The following GGT5 variants were observed in gnomAD, a reference collection of about 807,000 sequenced individuals.
The protein encoded by GGT5 is glutathione hydrolase 5 proenzyme.
In GGT5, 50 loss-of-function variants were observed where a neutral mutation model predicts 58.1. The ratio of observed to expected loss-of-function variants is 0.86; its 90% CI spans 0.69 to 1.09. GGT5 has a LOEUF of 1.09. Ranked by LOEUF, GGT5 falls within the 50% of genes least tolerant of loss-of-function variation. The pLI is 0.00. For missense variants in GGT5, 800 were observed against 789.4 expected (o/e 1.01, Z -0.16); for synonymous variants, 370 against 346.1 (o/e 1.07, Z -0.77).
intron 1 of GGT5, chr22:24,241,634 G>A (rs1470268423): frequency 2.0e-5 from 3 of 152,018 alleles, no homozygotes; most frequent in Non-Finnish European, 2.9e-5. Context: ...ACCAAACAAC[G>A]GGGCACCAGA....
Position 24,225,691 on chromosome 22 carries a change from G to A in GGT5, c.1230-39C>T, listed in dbSNP as rs562982518. 39 of 1,288,236 alleles carry A rather than the reference G, an allele frequency of 3.0e-5. No homozygotes were observed. The Admixed American group carries it at 4.1e-4, about 14-fold the overall frequency. The allele number at this position is 1,288,236 out of a possible 1,614,324, so 79.8% of individuals were successfully genotyped here. A position where few individuals can be genotyped will look rare whatever the true frequency, so the allele number is the denominator to read the frequency against. On this transcript the variant is annotated intron_variant, in intron 8 of 11. Transcript: ENST00000327365. ...GGCAGAAGAGCCTGGGCTAGGACCC[G>A]GGGCTCCCACCAGACACCACTTACC...
At chr22:24,220,874 A>T (rs2047570004) in intron 11 of GGT5, 1 of 334,438 alleles carries the variant, frequency 3.0e-6, no homozygotes, top group Admixed American at 4.2e-5. Flanking sequence ...TTTATTAAAA[A>T]ATAAAAGAAA....
chr22:24,231,572 T>A lies in GGT5; in HGVS notation c.755-42A>T, dbSNP rs201227483. On this transcript the variant is annotated intron_variant, in intron 5 of 11. Coordinates refer to ENST00000327365, the MANE Select transcript of GGT5 (RefSeq NM_004121.5). ...AGGGCTCCATGAACAGATGGGAAAC[T>A]GAGGCGGGGAGGAATAGCCACTGCT... The A allele has an allele frequency of 2.3e-4, 361 of 1,566,400 alleles. 2 individuals carry two copies. The African/African-American group carries it at 4.6e-3, about 20-fold the overall frequency.
rs1012649551 is a variant in GGT5, at chr22:24,219,898, C to G, written c.*72G>C. The stretch of plus-strand genomic sequence containing the variant: ...TCCAGATCCTGCCAGAGTAGTTGGT[C>G]CCCCAGCCATGTCCGGCCTGGACAC... On this transcript the variant is annotated 3_prime_UTR_variant, in exon 12 of 12. Coordinates refer to ENST00000327365, the MANE Select transcript of GGT5 (RefSeq NM_004121.5). 4.0e-6 allele frequency: 6 copies of G among 1,481,902 alleles called. No homozygotes were observed. The highest frequency in any genetic ancestry group is 2.3e-5 in the East Asian group (1 of 43,958). The allele number at this position is 1,481,902 out of a possible 1,614,324, so 91.8% of individuals were successfully genotyped here.
rs894621722 is a variant in GGT5, at chr22:24,233,958, C to T, written c.220G>A (p.Ala74Thr). The change falls in exon 2 of 12, where the codon GCT (alanine) becomes ACT (threonine). Residue 74 changes from alanine (A) to threonine (T), a missense_variant. Coordinates refer to ENST00000327365, the MANE Select transcript of GGT5 (RefSeq NM_004121.5). ...QGSPVDATIA[A>T]LVCTSVVNPQ... is the part of the protein sequence containing the mutation. ...TTGACGACGCTGGTGCAGACCAGAG[C>T]CGCGATGGTGGCATCCACGGGTGAG... The T allele has an allele frequency of 1.2e-6, 2 of 1,613,558 alleles. No individual in the cohort carries two copies. Among genetic ancestry groups the T allele is most frequent in the Non-Finnish European group, 1.7e-6 (2 of 1,179,640 alleles).
intron 11 of GGT5, among the ~76,000 whole-genome samples, chr22:24,221,806 A>C (rs1805204148): frequency 6.6e-6 from 1 of 150,880 alleles, no homozygotes; most frequent in Non-Finnish European, 1.5e-5. Context: ...GCGCGCAGCC[A>C]ACTCCCTATG....
chr22:24,235,961 C>T (rs1217181078), intron 1 of GGT5, among the ~76,000 whole-genome samples: 1 of 152,150 alleles, frequency 6.6e-6, no homozygotes, highest in East Asian at 1.9e-4. Context: ...ATGTTGGGGG[C>T]CCCAGGCTTG....
Position 24,225,394 on chromosome 22 carries a change from C to T in GGT5, c.1354G>A (p.Gly452Ser). 1 of 1,606,698 alleles carries T rather than the reference C, an allele frequency of 6.2e-7. No homozygotes were observed. Among genetic ancestry groups the T allele is most frequent in the East Asian group, 2.2e-5 (1 of 44,786 alleles). Residue 452 changes from glycine (G) to serine (S), a missense_variant, in exon 10 of 12, where the codon GGT becomes AGT. Physicochemically the swap from Gly to Ser is moderately conservative, Grantham distance 56. Transcript: ENST00000327365. ...GGCCAGCACCTTCCGGGAGCTCCAC[C>T]CACCCTGTCTCCACTCACTGCTGAG... ...TPSPVSGDRV[G>S]GAPGRCWPPV... is the part of the protein sequence containing the mutation.
intron 11 of GGT5, 124 bp from the exon 12 acceptor site, chr22:24,220,240 G>A (rs1008509780): frequency 2.1e-5 from 18 of 874,116 alleles, no homozygotes; most frequent in Non-Finnish European, 3.0e-5. Flanking sequence ...AGGGCCTGAA[G>A]ACACAGGAAG....
chr22:24,223,728 G>T (rs184715781), intron 11 of GGT5, among the ~76,000 whole-genome samples: 1 of 149,354 alleles, frequency 6.7e-6, no homozygotes, highest in Non-Finnish European at 1.5e-5. Flanking sequence ...CAGCTTTGAC[G>T]ATCTGGAACC....
At position 24,232,940 on chromosome 22, in the gene GGT5, G is replaced by T; in HGVS notation, c.479C>A (p.Ala160Glu). 1 of 1,570,610 alleles carries T rather than the reference G, an allele frequency of 6.4e-7. No homozygotes were observed. The highest frequency in any genetic ancestry group is 8.6e-7 in the Non-Finnish European group (1 of 1,158,042). The change falls in exon 4 of 12, where the codon GCG (alanine) becomes GAG (glutamate). Residue 160 changes from alanine (A) to glutamate (E), a missense_variant. By Grantham distance (107) the Ala-to-Glu change is moderately radical. Transcript: ENST00000327365. ...AHRRHGRLPW[A>E]QLFQPTIALL... ...CGCGATGGTGGGCTGGAACAGCTGC[G>T]CCCAGGGCAGGCGGCCATGGCGGCG... is the stretch of plus-strand genomic sequence containing the variant.
At chr22:24,226,404 A>G in intron 7 of GGT5, 138 bp from the exon 8 acceptor site, 1 of 772,618 alleles carries the variant, frequency 1.3e-6, no homozygotes, top group Non-Finnish European at 2.1e-6. Flanking sequence ...CCTCAAGCCC[A>G]GCTAGGTCTA....
At chr22:24,223,775 T>C (rs1305987515) in intron 11 of GGT5, among the ~76,000 whole-genome samples, 1 of 149,668 alleles carries the variant, frequency 6.7e-6, no homozygotes, top group Non-Finnish European at 1.5e-5. Context: ...TTTTTTTTTT[T>C]TTTTGAGATG....
intron 1 of GGT5, among the ~76,000 whole-genome samples, chr22:24,235,823 A>C (rs4822473): frequency 6.6e-6 from 1 of 151,884 alleles, no homozygotes; most frequent in East Asian, 2.0e-4. Flanking sequence ...CTTGGCTTCC[A>C]GGGCAAAATG....
At chr22:24,228,058 AAAAAAAAAC>A (rs1569358748) in intron 6 of GGT5, among the ~76,000 whole-genome samples, 5 of 128,436 alleles carry the variant, frequency 3.9e-5, no homozygotes, top group Admixed American at 7.6e-5. Flanking sequence ...CAAAAAAAAA[AAAAAAAAAC>A]AAAACAAAAA....
At chr22:24,231,145 AATG>A (rs1308536734) in intron 6 of GGT5, among the ~76,000 whole-genome samples, 1 of 152,194 alleles carries the variant, frequency 6.6e-6, no homozygotes, top group Non-Finnish European at 1.5e-5. Flanking sequence ...ACTCTGGACG[AATG>A]ATATCACGCC....
At chr22:24,226,012 TG>T (rs1428167201) in intron 8 of GGT5, 63 bp downstream of exon 8, 4 of 1,174,122 alleles carry the variant, frequency 3.4e-6, no homozygotes, top group South Asian at 3.0e-5. Context: ...GACATGGGGC[TG>T]GGGGTGTGCA....
intron 6 of GGT5, among the ~76,000 whole-genome samples, chr22:24,227,595 A>G (rs2047806293): frequency 6.6e-6 from 1 of 152,160 alleles, no homozygotes; most frequent in African/African-American, 2.4e-5. Context: ...TGGATTATCT[A>G]GATGTGCCCT....
intron 11 of GGT5, among the ~76,000 whole-genome samples, chr22:24,223,222 G>A (rs1244184664): frequency 2.0e-5 from 3 of 152,046 alleles, no homozygotes; most frequent in African/African-American, 7.2e-5. Context: ...GCCAACATGG[G>A]GAAACCCCAT....
Sources: gnomAD v4.1 joint callset for allele counts (sites outside exome capture counted in the v4.1 genomes callset) on GRCh38, gnomAD v4.1.1 for gene constraint, MANE v1.5 for transcripts, NCBI Gene and HGNC (gene_info 2026-07-23, HGNC 2026-07-21) for gene names.